Variants in MB21D2 observed in about 807,000 individuals in gnomAD.
The protein encoded by MB21D2 is Mab-21 domain containing 2.
In MB21D2, 9 loss-of-function variants were observed where a neutral mutation model predicts 33.3. That is an observed-to-expected ratio of 0.27 (90% CI 0.16 to 0.47). The LOEUF is 0.47. Among genes scored for constraint, MB21D2 ranks in the 20% least tolerant of loss-of-function variants. The probability of loss-of-function intolerance (pLI) is 0.99; values close to 1 mark genes in which losing one functional copy is unlikely to be tolerated. For missense variants in MB21D2, 540 were observed against 624.6 expected, an observed-to-expected ratio of 0.86 and a Z score of 1.44; for synonymous variants, 241 against 236.3, an observed-to-expected ratio of 1.02 and a Z score of -0.18.
chr3:192,894,578 C>T (rs992889987), intron 1 of MB21D2, among the ~76,000 whole-genome samples: 3 of 152,142 alleles, frequency 2.0e-5, no homozygotes, highest in African/African-American at 7.2e-5. Flanking sequence ...GAGAAACAAA[C>T]CTGAGAACAT....
Position 192,807,494 on chromosome 3 carries a change from C to A in MB21D2, c.212-7844G>T, listed in dbSNP as rs184494764. On this transcript the variant is annotated intron_variant, in intron 1 of 1. Transcript: ENST00000392452. ...GCTCTGAATGAAGTCAACTGTACCC[C>A]ATCACTGACCCTTTGCCCAGGACCC... Among the ~76,000 whole-genome samples the A allele has an allele frequency of 5.0e-3, 754 of 152,226 alleles. 8 individuals carry two copies. Among genetic ancestry groups the A allele is most frequent in the African/African-American group, 0.017 (707 of 41,536 alleles).
At chr3:192,906,297 G>A (rs1273774894) in intron 1 of MB21D2, among the ~76,000 whole-genome samples, 2 of 152,168 alleles carry the variant, frequency 1.3e-5, no homozygotes, top group Non-Finnish European at 2.9e-5. Flanking sequence ...ATTAACAGGA[G>A]TCTAGCAAAA....
chr3:192,912,930 A>C (rs1714385391), intron 1 of MB21D2, among the ~76,000 whole-genome samples: 2 of 152,186 alleles, frequency 1.3e-5, no homozygotes, highest in Non-Finnish European at 2.9e-5. Flanking sequence ...CACTTCCAAA[A>C]TAGGCATGAT....
intron 1 of MB21D2, among the ~76,000 whole-genome samples, chr3:192,880,491 A>G (rs141291973): frequency 1.3e-5 from 2 of 152,216 alleles, no homozygotes; most frequent in East Asian, 3.9e-4. Context: ...GAGGCAGAGA[A>G]AGCAACCCAC....
At chr3:192,901,210 A>G (rs1001810847) in intron 1 of MB21D2, among the ~76,000 whole-genome samples, 1 of 152,076 alleles carries the variant, frequency 6.6e-6, no homozygotes, top group African/African-American at 2.4e-5. Flanking sequence ...ATTGTTTCCT[A>G]TGAGGTTCTA....
chr3:192,912,935 C>T (rs867973611), intron 1 of MB21D2, among the ~76,000 whole-genome samples: 3 of 152,164 alleles, frequency 2.0e-5, no homozygotes, highest in African/African-American at 7.2e-5. Flanking sequence ...CCAAAATAGG[C>T]ATGATACTTA....
chr3:192,807,390 G>A (rs1711687365), intron 1 of MB21D2, among the ~76,000 whole-genome samples: 1 of 150,566 alleles, frequency 6.6e-6, no homozygotes, highest in African/African-American at 2.4e-5. Context: ...AGCTACATAA[G>A]GATACAGAAA....
intron 1 of MB21D2, among the ~76,000 whole-genome samples, chr3:192,906,902 T>C (rs1714226842): frequency 6.6e-6 from 1 of 152,228 alleles, no homozygotes. Flanking sequence ...CAAATACTAG[T>C]TGGAAGAGAC....
intron 1 of MB21D2, among the ~76,000 whole-genome samples, chr3:192,877,368 A>T (rs755918485): frequency 1.3e-4 from 18 of 143,562 alleles, no homozygotes; most frequent in Non-Finnish European, 2.5e-4. Flanking sequence ...ATGAAGTTGA[A>T]CTTCCAAATA....
chr3:192,810,898 TGC>T (rs1491070737), intron 1 of MB21D2, among the ~76,000 whole-genome samples: 1 of 146,230 alleles, frequency 6.8e-6, no homozygotes, highest in Non-Finnish European at 1.5e-5. Flanking sequence ...TGTGTGTGTG[TGC>T]GCACGCACAT....
In MB21D2 at chr3:192,812,852, C is replaced by A. The variant is rs573162602; in HGVS notation, c.212-13202G>T. ...TACCTAATTTCTAAAAAGATTAAAACCATGTATTTTTTCCCTTGATGCATA... is the reference window on the plus strand; with the variant it reads ...TACCTAATTTCTAAAAAGATTAAAAACATGTATTTTTTCCCTTGATGCATA... On this transcript the variant is annotated intron_variant, in intron 1 of 1. Coordinates refer to ENST00000392452, the MANE Select transcript of MB21D2 (RefSeq NM_178496.4). Among the ~76,000 whole-genome samples, 3 of 127,246 alleles carry A rather than the reference C, an allele frequency of 2.4e-5. No individual in the cohort carries two copies. In the East Asian group the frequency reaches 7.3e-4, roughly 31 times the overall value. 83.5% of individuals were successfully genotyped at this position (127,246 alleles called of 152,430 possible).
rs1308182219 is a variant in MB21D2, at chr3:192,799,537, C to T, written c.325G>A (p.Ala109Thr). The change falls in exon 2 of 2, where the codon GCC (alanine) becomes ACC (threonine). Residue 109 changes from alanine to threonine, a missense_variant. Ala to Thr is a moderately conservative substitution (Grantham distance 58). Transcript: ENST00000392452. The surrounding 1 kb of genome is among the most constrained non-coding windows in gnomAD (Gnocchi z 4.1). Reference protein sequence around the residue: ...DLDLDELNVYARGTDYDMDFT... With the variant: ...DLDLDELNVYTRGTDYDMDFT... ...TCCATATCATAGTCAGTACCCCGGG[C>T]ATAGACATTAAGCTCATCTAAGTCC... 1 of 1,614,206 alleles carries T rather than the reference C, an allele frequency of 6.2e-7. No individual in the cohort carries two copies. Among genetic ancestry groups the T allele is most frequent in the Non-Finnish European group, 8.5e-7 (1 of 1,180,046 alleles).
chr3:192,856,006 G>A lies in MB21D2; in HGVS notation c.212-56356C>T, dbSNP rs114893870. On this transcript the variant is annotated intron_variant, in intron 1 of 1. Coordinates refer to ENST00000392452, the MANE Select transcript of MB21D2 (RefSeq NM_178496.4). ...TATGAGGCAAAGGTTGCAGTGAGCC[G>A]AGATCGTACCACTGCACTCCAGCCT... Among the ~76,000 whole-genome samples, 1,142 of 152,222 alleles carry A rather than the reference G, an allele frequency of 7.5e-3. 6 individuals are homozygous for A. The highest frequency in any genetic ancestry group is 0.012 in the Non-Finnish European group (823 of 68,012).
chr3:192,915,330 A>G (rs1185924430), intron 1 of MB21D2, among the ~76,000 whole-genome samples: 1 of 152,246 alleles, frequency 6.6e-6, no homozygotes, highest in East Asian at 1.9e-4. Context: ...TTTGTTCTTT[A>G]AGCCAAGCCA....
intron 1 of MB21D2, among the ~76,000 whole-genome samples, chr3:192,851,489 C>CGGTTTT (rs1712803317): frequency 3.9e-5 from 4 of 101,412 alleles, no homozygotes; most frequent in Non-Finnish European, 5.9e-5. Context: ...TTTTTTTTGT[C>CGGTTTT]TGTTTTTTTT....
chr3:192,910,491 A>G (rs1714330452), intron 1 of MB21D2, among the ~76,000 whole-genome samples: 1 of 152,070 alleles, frequency 6.6e-6, no homozygotes, highest in African/African-American at 2.4e-5. Context: ...ACATATATAC[A>G]TAAATAACAG....
chr3:192,885,655 A>G (rs1713716593), intron 1 of MB21D2, among the ~76,000 whole-genome samples: 1 of 152,244 alleles, frequency 6.6e-6, no homozygotes. Context: ...CTGCCTAGAG[A>G]GGGACAGGCA....
chr3:192,865,686 C>CT (rs1190094528), intron 1 of MB21D2, among the ~76,000 whole-genome samples: 2 of 152,116 alleles, frequency 1.3e-5, no homozygotes, highest in Non-Finnish European at 2.9e-5. Flanking sequence ...ACCAGGCCCC[C>CT]TCCCAATCTT....
intron 1 of MB21D2, among the ~76,000 whole-genome samples, chr3:192,913,249 T>C (rs1714393207): frequency 6.7e-6 from 1 of 148,740 alleles, no homozygotes; most frequent in Non-Finnish European, 1.5e-5. Context: ...TACAAAAAAC[T>C]AGCCAGGCGT....
Sources: allele counts gnomAD v4.1 joint callset (sites outside exome capture counted in the v4.1 genomes callset), GRCh38; gene constraint gnomAD v4.1.1; non-coding constraint Gnocchi (gnomAD v3.1); transcripts MANE v1.5; gene names NCBI Gene and HGNC (gene_info 2026-07-23, HGNC 2026-07-21).